The following RASGRF2 variants were observed in gnomAD, a reference collection of about 807,000 sequenced individuals.
RASGRF2 encodes the protein ras-specific guanine nucleotide-releasing factor 2.
Under a neutral mutation model 151.0 loss-of-function variants are expected in RASGRF2, and 76 were observed. The ratio of observed to expected loss-of-function variants is 0.50; its 90% confidence interval spans 0.42 to 0.61. The LOEUF is 0.61. Ranked by LOEUF, RASGRF2 falls within the 20% of genes least tolerant of loss-of-function variation. The probability of loss-of-function intolerance (pLI) is 0.00; values close to 1 mark genes in which losing one functional copy is unlikely to be tolerated. For synonymous variants in RASGRF2, 504 were observed against 566.5 expected, an observed-to-expected ratio of 0.89 and a Z score of 1.57; for missense variants, 1,148 against 1,564.6, an observed-to-expected ratio of 0.73 and a Z score of 4.49.
chr5:81,155,517 TCAC>T (rs1754239895), intron 17 of RASGRF2, among the ~76,000 whole-genome samples: 1 of 152,056 alleles, frequency 6.6e-6, no homozygotes, highest in Non-Finnish European at 1.5e-5. Context: ...AGCAGAAACA[TCAC>T]AACCAACCCT....
intron 18 of RASGRF2, among the ~76,000 whole-genome samples, chr5:81,199,862 C>A (rs1755346332): frequency 6.9e-6 from 1 of 145,752 alleles, no homozygotes. Context: ...CACGTCACTG[C>A]ACTCCAGCCC....
At chr5:81,090,789 G>A (rs955282910) in intron 9 of RASGRF2, among the ~76,000 whole-genome samples, 2 of 152,184 alleles carry the variant, frequency 1.3e-5, no homozygotes, top group East Asian at 1.9e-4. Flanking sequence ...TTTCTAAATT[G>A]TATTTATTTT....
intron 1 of RASGRF2, among the ~76,000 whole-genome samples, chr5:81,000,896 C>T (rs1052070274): frequency 6.6e-6 from 1 of 152,178 alleles, no homozygotes; most frequent in Non-Finnish European, 1.5e-5. Context: ...ATCTAGCCTC[C>T]GTCACTCTGA....
rs76184782 is a variant in RASGRF2, at chr5:81,150,332, C to T, written c.2686+23169C>T. Reference sequence around the variant, plus strand: ...CTCATCTTTAAAATGAGAAGAATGACTGTACCCAACTCACAGGGCTCTCCT... The same window carrying T: ...CTCATCTTTAAAATGAGAAGAATGATTGTACCCAACTCACAGGGCTCTCCT... On this transcript the variant is annotated intron_variant, in intron 17 of 26. Transcript: ENST00000265080. Among the ~76,000 whole-genome samples the T allele has an allele frequency of 6.8e-3, 1,036 of 152,306 alleles. 18 individuals carry two copies. Among genetic ancestry groups the T allele is most frequent in the African/African-American group, 0.024 (999 of 41,560 alleles).
At chr5:81,038,845 G>T (rs1750592897) in intron 1 of RASGRF2, among the ~76,000 whole-genome samples, 1 of 151,956 alleles carries the variant, frequency 6.6e-6, no homozygotes, top group Non-Finnish European at 1.5e-5. Flanking sequence ...CAAATTGCTG[G>T]GATTACAAGC....
intron 18 of RASGRF2, chr5:81,183,115 C>G: frequency 5.0e-5 from 44 of 880,138 alleles, no homozygotes; most frequent in Non-Finnish European, 5.3e-5. Context: ...GGAAGTTGTA[C>G]TCATCTCAAA....
intron 18 of RASGRF2, among the ~76,000 whole-genome samples, chr5:81,194,049 G>C (rs1755207442): frequency 6.6e-6 from 1 of 152,002 alleles, no homozygotes; most frequent in South Asian, 2.1e-4. Context: ...AGATAATAAA[G>C]TAGCTAAAAT....
At chr5:81,071,153 T>A (rs1244661595) in intron 4 of RASGRF2, among the ~76,000 whole-genome samples, 1 of 152,224 alleles carries the variant, frequency 6.6e-6, no homozygotes, top group African/African-American at 2.4e-5. Context: ...GTCATTTAGG[T>A]TTTGATCCTA....
chr5:80,983,741 A>G (rs946913928), intron 1 of RASGRF2, among the ~76,000 whole-genome samples: 10 of 152,350 alleles, frequency 6.6e-5, no homozygotes, highest in Middle Eastern at 3.4e-3. Flanking sequence ...ATACTTACAC[A>G]TGCTGGAATT....
In RASGRF2 at chr5:81,230,007, TGA is replaced by T. The variant is rs1361689722; in HGVS notation, c.*4239_*4240del. On this transcript the variant is annotated 3_prime_UTR_variant, in exon 27 of 27. Coordinates refer to ENST00000265080, the MANE Select transcript of RASGRF2 (RefSeq NM_006909.3). ...TGTGTGTGATGGACGAATATGTGTG[TGA>T]GTTTGAGAAGCATATCGTTCGTGTC... The T allele has an allele frequency of 6.6e-6, 1 of 152,242 alleles. No homozygotes were observed. The highest frequency in any genetic ancestry group is 1.5e-5 in the Non-Finnish European group (1 of 68,048). The allele number at this position is 152,242 out of a possible 1,614,324, so 9.4% of individuals were successfully genotyped here.
intron 17 of RASGRF2, among the ~76,000 whole-genome samples, chr5:81,155,750 A>C (rs1411546670): frequency 6.6e-6 from 1 of 152,190 alleles, no homozygotes; most frequent in African/African-American, 2.4e-5. Context: ...TCTTACAAAC[A>C]GAGGGCTTCA....
intron 2 of RASGRF2, among the ~76,000 whole-genome samples, chr5:81,049,161 T>TA (rs3991140): frequency 0.031 from 3,571 of 116,754 alleles, 63 homozygotes; most frequent in African/African-American, 0.058. Context: ...GCAAGTTCCC[T>TA]AAAAAAAAAA....
At chr5:81,061,755 A>G (rs1279189795) in intron 2 of RASGRF2, among the ~76,000 whole-genome samples, 1 of 151,856 alleles carries the variant, frequency 6.6e-6, no homozygotes, top group Non-Finnish European at 1.5e-5. Flanking sequence ...TGGCATGAAT[A>G]CCATCATTGC....
chr5:81,008,988 G>A (rs1361895910), intron 1 of RASGRF2, among the ~76,000 whole-genome samples: 2 of 152,164 alleles, frequency 1.3e-5, no homozygotes, highest in African/African-American at 4.8e-5. Context: ...CTCATGATCT[G>A]GTTGGCTTTG....
At chr5:81,015,025 T>G (rs1261197171) in intron 1 of RASGRF2, among the ~76,000 whole-genome samples, 1 of 152,136 alleles carries the variant, frequency 6.6e-6, no homozygotes, top group Non-Finnish European at 1.5e-5. Flanking sequence ...ACTCAAGCAG[T>G]CCTCCAACAT....
chr5:80,984,341 C>T (rs1445226198), intron 1 of RASGRF2, among the ~76,000 whole-genome samples: 1 of 152,214 alleles, frequency 6.6e-6, no homozygotes, highest in Non-Finnish European at 1.5e-5. Context: ...GCATGAGCCA[C>T]TGCACCTGGC....
chr5:81,112,503 G>A, intron 13 of RASGRF2, 107 bp from the exon 14 acceptor site: 1 of 1,442,538 alleles, frequency 6.9e-7, no homozygotes, highest in South Asian at 1.3e-5. Flanking sequence ...ATCAAATGCA[G>A]TGAGAAGCCC....
intron 1 of RASGRF2, among the ~76,000 whole-genome samples, chr5:80,975,990 A>G (rs1042744054): frequency 2.0e-5 from 3 of 151,940 alleles, no homozygotes; most frequent in Non-Finnish European, 4.4e-5. Flanking sequence ...GATTACAGGC[A>G]TGTGCCACCA....
At chr5:81,163,486 T>G (rs1304300080) in intron 17 of RASGRF2, among the ~76,000 whole-genome samples, 2 of 152,080 alleles carry the variant, frequency 1.3e-5, no homozygotes, top group Non-Finnish European at 2.9e-5. Flanking sequence ...AATAGCCAAA[T>G]AGGTACATAA....
Sources: gnomAD v4.1 joint callset for allele counts (sites outside exome capture counted in the v4.1 genomes callset) on GRCh38, gnomAD v4.1.1 for gene constraint, MANE v1.5 for transcripts, NCBI Gene and HGNC (gene_info 2026-07-23, HGNC 2026-07-21) for gene names.